The following RALYL variants were observed in gnomAD, a reference collection of about 807,000 sequenced individuals.
The protein encoded by RALYL is RALY RNA binding protein like, also known as RNA-binding Raly-like protein.
A neutral mutation model predicts 35.1 loss-of-function variants in RALYL; 29 were observed. The ratio of observed to expected loss-of-function variants is 0.83; its 90% CI spans 0.61 to 1.13. The LOEUF (loss-of-function observed/expected upper bound fraction) is 1.13. Ranked by LOEUF, RALYL falls within the 50% of genes most tolerant of loss-of-function variation. The probability of loss-of-function intolerance (pLI) is 0.00; values close to 1 mark genes in which losing one functional copy is unlikely to be tolerated. For synonymous variants in RALYL, 120 were observed against 127.6 expected (o/e 0.94, Z 0.40); for missense variants, 359 against 360.4 (o/e 1.00, Z 0.03).
intron 1 of RALYL, among the ~76,000 whole-genome samples, chr8:84,425,394 C>T (rs13279202): frequency 1.6e-4 from 25 of 152,286 alleles, no homozygotes; most frequent in East Asian, 3.9e-4. Flanking sequence ...GGCAATGCCT[C>T]GCCCTGCTTC....
chr8:84,804,902 T>A, intron 4 of RALYL, 100 bp downstream of exon 4: 2 of 602,594 alleles, frequency 3.3e-6, no homozygotes, highest in Non-Finnish European at 4.6e-6. Context: ...ATATTCAAAA[T>A]CATAACATAT....
chr8:84,878,945 C>G (rs1168489509), intron 7 of RALYL, among the ~76,000 whole-genome samples: 1 of 152,174 alleles, frequency 6.6e-6, no homozygotes, highest in Non-Finnish European at 1.5e-5. Flanking sequence ...CGGGAACCAT[C>G]TCAGCCTAAT....
chr8:84,469,106 C>G (rs2052260625), intron 1 of RALYL, among the ~76,000 whole-genome samples: 1 of 152,244 alleles, frequency 6.6e-6, no homozygotes, highest in East Asian at 1.9e-4. Context: ...TTCCGTAGCT[C>G]AGAGTAATTT....
At chr8:84,798,111 A>T (rs1181132642) in intron 3 of RALYL, among the ~76,000 whole-genome samples, 1 of 152,126 alleles carries the variant, frequency 6.6e-6, no homozygotes, top group Non-Finnish European at 1.5e-5. Flanking sequence ...GGGCGAACTT[A>T]TTCTCTCTTA....
At chr8:84,472,831 GTAT>G in intron 1 of RALYL, among the ~76,000 whole-genome samples, 1 of 152,238 alleles carries the variant, frequency 6.6e-6, no homozygotes, top group East Asian at 1.9e-4. Flanking sequence ...AGCTCTGAAA[GTAT>G]TATTTTCTTC....
chr8:84,451,763 C>T (rs2133201432), intron 1 of RALYL, among the ~76,000 whole-genome samples: 1 of 152,142 alleles, frequency 6.6e-6, no homozygotes, highest in East Asian at 1.9e-4. Flanking sequence ...ATAAGGGGCA[C>T]TGCTAAACAC....
intron 2 of RALYL, among the ~76,000 whole-genome samples, chr8:84,571,841 T>C (rs912491866): frequency 2.0e-5 from 3 of 151,908 alleles, no homozygotes; most frequent in Non-Finnish European, 2.9e-5. Context: ...AAAATTGTTC[T>C]GATATCTGCC....
intron 1 of RALYL, among the ~76,000 whole-genome samples, chr8:84,498,457 G>C (rs1286189491): frequency 6.6e-6 from 1 of 151,956 alleles, no homozygotes; most frequent in Non-Finnish European, 1.5e-5. Flanking sequence ...CCTCATCGAA[G>C]CTACTAATGG....
chr8:84,683,403 C>T (rs1315558254), intron 2 of RALYL, among the ~76,000 whole-genome samples: 1 of 152,092 alleles, frequency 6.6e-6, no homozygotes, highest in Non-Finnish European at 1.5e-5. Context: ...ACCTTGTTAA[C>T]TTTCTGTCTC....
At position 84,725,859 on chromosome 8, in the gene RALYL, G is replaced by T. The variant is rs141754126; in HGVS notation, c.257-48720G>T. 3.9e-3 allele frequency among the ~76,000 whole-genome samples: 594 copies of T among 151,570 alleles called. 6 individuals are homozygous for T. The highest frequency in any genetic ancestry group is 0.013 in the African/African-American group (542 of 41,466). ...AATATATTTTATGGATATTTTTCTGGATGTATATAGGAGTCACAAACACAT... is the reference window on the plus strand; with the variant it reads ...AATATATTTTATGGATATTTTTCTGTATGTATATAGGAGTCACAAACACAT... On this transcript the variant is annotated intron_variant, in intron 2 of 8. Coordinates refer to ENST00000521268, the MANE Select transcript of RALYL (RefSeq NM_173848.7).
chr8:84,883,269 A>G (rs1842451169), intron 7 of RALYL, among the ~76,000 whole-genome samples: 1 of 152,086 alleles, frequency 6.6e-6, no homozygotes, highest in Admixed American at 6.6e-5. Flanking sequence ...TTTGAAATAC[A>G]TCGTCAGAAT....
chr8:84,514,160 C>T (rs1208063389), intron 1 of RALYL, among the ~76,000 whole-genome samples: 3 of 133,140 alleles, frequency 2.3e-5, no homozygotes, highest in Non-Finnish European at 4.8e-5. Context: ...ACCTAAATAC[C>T]TATGTTGTGA....
intron 2 of RALYL, among the ~76,000 whole-genome samples, chr8:84,630,296 C>G (rs904882450): frequency 2.0e-5 from 3 of 151,900 alleles, no homozygotes; most frequent in African/African-American, 4.8e-5. Flanking sequence ...CTCCAAAGAA[C>G]TCTTAGTGTA....
chr8:84,913,545 G>A (rs1041599757), intron 8 of RALYL, among the ~76,000 whole-genome samples: 9 of 152,004 alleles, frequency 5.9e-5, no homozygotes, highest in African/African-American at 2.2e-4. Flanking sequence ...ACATAGGTAA[G>A]TGAGTTGGTA....
At chr8:84,466,703 G>T (rs879829574) in intron 1 of RALYL, among the ~76,000 whole-genome samples, 14 of 151,988 alleles carry the variant, frequency 9.2e-5, no homozygotes, top group Non-Finnish European at 1.8e-4. Context: ...GATTAGAATA[G>T]TTTCAGAAGG....
chr8:84,877,757 T>C (rs1841449053), intron 7 of RALYL, among the ~76,000 whole-genome samples: 1 of 152,198 alleles, frequency 6.6e-6, no homozygotes, highest in African/African-American at 2.4e-5. Context: ...CTAGTCATTA[T>C]GTAGTTTGTC....
At chr8:84,578,484 C>T (rs1810035421) in intron 2 of RALYL, among the ~76,000 whole-genome samples, 1 of 152,184 alleles carries the variant, frequency 6.6e-6, no homozygotes, top group South Asian at 2.1e-4. Context: ...TCAGTTGTCC[C>T]ACTTCCAGGA....
At chr8:84,604,802 G>A (rs924503137) in intron 2 of RALYL, among the ~76,000 whole-genome samples, 2 of 152,072 alleles carry the variant, frequency 1.3e-5, no homozygotes, top group African/African-American at 4.8e-5. Flanking sequence ...TTTTTTAGAA[G>A]ACGAAGAATG....
intron 1 of RALYL, among the ~76,000 whole-genome samples, chr8:84,468,992 C>T (rs1459770321): frequency 6.6e-6 from 1 of 151,420 alleles, no homozygotes; most frequent in African/African-American, 2.4e-5. Context: ...TTTTCAGCTC[C>T]ATCAGCTCCT....
Sources: allele counts gnomAD v4.1 joint callset (sites outside exome capture counted in the v4.1 genomes callset), GRCh38; gene constraint gnomAD v4.1.1; transcripts MANE v1.5; gene names NCBI Gene and HGNC (gene_info 2026-07-23, HGNC 2026-07-21).